URGCP: variants seen among roughly 807,000 people sequenced by gnomAD.
URGCP encodes upregulator of cell proliferation, also known as up-regulator of cell proliferation.
Under a neutral mutation model 24.6 loss-of-function variants are expected in URGCP, and 13 were observed. That is an observed-to-expected ratio of 0.53 (90% CI 0.34 to 0.84). The LOEUF is 0.84. URGCP is among the 40% of genes least tolerant of loss of function. The pLI, the probability that URGCP is intolerant of heterozygous loss-of-function variation, is 0.01. For missense variants in URGCP, 899 were observed against 1,194.3 expected, an observed-to-expected ratio of 0.75 and a Z score of 3.64; for synonymous variants, 444 against 487.2, an observed-to-expected ratio of 0.91 and a Z score of 1.17.
At position 43,877,022 on chromosome 7, in the gene URGCP, T is replaced by C. The variant is rs1170641357; in HGVS notation, c.2441A>G (p.Asn814Ser). 6.2e-7 allele frequency: 1 copy of C among 1,614,280 alleles called. No individual in the cohort carries two copies. The highest frequency in any genetic ancestry group is 8.5e-7 in the Non-Finnish European group (1 of 1,180,056). Residue 814 changes from asparagine to serine, a missense_variant, in exon 6 of 6, where the codon AAC becomes AGC. Coordinates refer to ENST00000453200, the MANE Select transcript of URGCP (RefSeq NM_001077663.3). ...LRLEKTGHMPNYQFVYQNLHD... is the reference protein window; with the variant it reads ...LRLEKTGHMPSYQFVYQNLHD... ...AAGGTTCTGGTATACAAACTGGTAGTTGGGCATGTGCCCCGTTTTTTCTAA... is the reference window on the plus strand; with the variant it reads ...AAGGTTCTGGTATACAAACTGGTAGCTGGGCATGTGCCCCGTTTTTTCTAA...
intron 3 of URGCP, among the ~76,000 whole-genome samples, chr7:43,885,990 C>T (rs2095861508): frequency 6.6e-6 from 1 of 152,218 alleles, no homozygotes; most frequent in South Asian, 2.1e-4. Context: ...CTGCTACAAG[C>T]CTTGACCAAC....
chr7:43,915,749 C>G (rs12673010), intron 1 of URGCP, among the ~76,000 whole-genome samples: 58,887 of 152,174 alleles, frequency 0.39, 11,679 homozygotes, highest in South Asian at 0.58. Context: ...TGGCTCATGC[C>G]TGTAATCCCA....
chr7:43,906,411 C>CGTGGGCCTG (rs1195731634), intron 1 of URGCP, 151 bp downstream of exon 1: 241 of 890,270 alleles, frequency 2.7e-4, no homozygotes, highest in Non-Finnish European at 3.2e-4. Context: ...GCGAGCGGGC[C>CGTGGGCCTG]GTGGGCCTGG....
At chr7:43,888,231 G>C (rs2095864938) in intron 1 of URGCP, 1 of 154,710 alleles carries the variant, frequency 6.5e-6, no homozygotes, top group Non-Finnish European at 1.4e-5. Context: ...GCCTGGTGTG[G>C]TGGCTCACGC....
Position 43,898,256 on chromosome 7 carries a change from C to G in URGCP, c.14+8306G>C, listed in dbSNP as rs556369901. The stretch of plus-strand genomic sequence containing the variant: ...AAAACCCAAGAGATCAACCTGAAAA[C>G]TATCATAAACAATGAGAGAATTCAG... On this transcript the variant is annotated intron_variant, in intron 1 of 5. Transcript: ENST00000453200. Among the ~76,000 whole-genome samples, 19 of 152,294 alleles carry G rather than the reference C, an allele frequency of 1.2e-4. No individual in the cohort carries two copies. The South Asian group carries it at 1.9e-3, about 15-fold the overall frequency.
intron 1 of URGCP, among the ~76,000 whole-genome samples, chr7:43,918,276 A>G: frequency 6.6e-6 from 1 of 151,644 alleles, no homozygotes; most frequent in East Asian, 1.9e-4. Context: ...AAAAAAAAAA[A>G]AAAAAGAAAG....
Position 43,877,773 on chromosome 7 carries a change from G to T in URGCP, c.1690C>A (p.Gln564Lys). 1 of 1,602,816 alleles carries T rather than the reference G, an allele frequency of 6.2e-7. No individual in the cohort carries two copies. The highest frequency in any genetic ancestry group is 1.7e-5 in the Admixed American group (1 of 59,036). ...CACTCCATCCACCTCAGGAAGTACTGCTTCTCACTCAAGGAGGGGCTGCTG... is the reference window on the plus strand; with the variant it reads ...CACTCCATCCACCTCAGGAAGTACTTCTTCTCACTCAAGGAGGGGCTGCTG... ...GISSPSLSEKQYFLRWMEWGL... is the reference protein window; with the variant it reads ...GISSPSLSEKKYFLRWMEWGL... The change falls in exon 6 of 6, where the codon CAG (glutamine) becomes AAG (lysine). Residue 564 changes from glutamine (Q) to lysine (K), a missense_variant. Gln to Lys is a moderately conservative substitution (Grantham distance 53). Transcript: ENST00000453200.
chr7:43,886,763 A>G (rs1459654586), intron 3 of URGCP, among the ~76,000 whole-genome samples: 1 of 152,234 alleles, frequency 6.6e-6, no homozygotes, highest in African/African-American at 2.4e-5. Flanking sequence ...CAAAAAATAA[A>G]ATAAAATATC....
Position 43,877,394 on chromosome 7 carries a change from G to C in URGCP, c.2069C>G (p.Ser690Ter). ...KELHVRLERR[S>*]RLVVLSTVGV... Reference sequence around the variant, plus strand: ...GACGGTTGACAGAACCACCAGCCTTGACCGTCTCTCCAGTCGGACGTGCAG... The same window carrying C: ...GACGGTTGACAGAACCACCAGCCTTCACCGTCTCTCCAGTCGGACGTGCAG... Residue 690 changes from serine to a stop codon, truncating the protein, a stop_gained, in exon 6 of 6, where the codon TCA (serine) becomes TGA (stop). Transcript: ENST00000453200. LOFTEE classifies it high-confidence loss of function. 6.2e-7 allele frequency: 1 copy of C among 1,613,202 alleles called. No individual in the cohort carries two copies. Among genetic ancestry groups the C allele is most frequent in the Non-Finnish European group, 8.5e-7 (1 of 1,180,012 alleles).
chr7:43,911,535 A>C (rs2095910131), upstream of URGCP, among the ~76,000 whole-genome samples: 1 of 152,158 alleles, frequency 6.6e-6, no homozygotes, highest in African/African-American at 2.4e-5. Context: ...GTCTCTACTA[A>C]AAATACAAAA....
chr7:43,920,598 TTA>T (rs2095921208), intron 1 of URGCP, among the ~76,000 whole-genome samples: 1 of 152,162 alleles, frequency 6.6e-6, no homozygotes. Context: ...TTTAAAACCT[TTA>T]TGTTTTTCTC....
chr7:43,918,801 A>G, intron 1 of URGCP: 1 of 1,082,068 alleles, frequency 9.2e-7, no homozygotes, highest in African/African-American at 1.5e-5. Context: ...CCCCAAGGGC[A>G]CCATGGAGGA....
At chr7:43,900,109 C>A (rs1229764302) in intron 1 of URGCP, among the ~76,000 whole-genome samples, 2 of 151,644 alleles carry the variant, frequency 1.3e-5, no homozygotes, top group African/African-American at 4.9e-5. Flanking sequence ...GTTGCCATTG[C>A]ACTCCAGCCT....
At chr7:43,879,545 A>T in intron 5 of URGCP, 1 of 352,220 alleles carries the variant, frequency 2.8e-6, no homozygotes. Flanking sequence ...AACAACTGGA[A>T]GAGTTCTTGC....
upstream of URGCP, among the ~76,000 whole-genome samples, chr7:43,907,947 G>A (rs1167788175): frequency 2.0e-5 from 3 of 152,134 alleles, no homozygotes; most frequent in Non-Finnish European, 4.4e-5. Flanking sequence ...GTAAAGCCAC[G>A]CGAACTTGTG....
intron 3 of URGCP, among the ~76,000 whole-genome samples, chr7:43,883,623 A>G (rs1228286750): frequency 6.6e-6 from 1 of 151,920 alleles, no homozygotes; most frequent in Non-Finnish European, 1.5e-5. Context: ...GGCCTCACAG[A>G]GCGTTGGGAT....
chr7:43,884,023 A>G (rs2095858570), intron 3 of URGCP, among the ~76,000 whole-genome samples: 1 of 152,244 alleles, frequency 6.6e-6, no homozygotes, highest in Non-Finnish European at 1.5e-5. Context: ...TAAAGATGCC[A>G]GAGATAGGGT....
intron 1 of URGCP, among the ~76,000 whole-genome samples, chr7:43,901,889 A>T (rs1354478141): frequency 6.6e-6 from 1 of 152,180 alleles, no homozygotes; most frequent in East Asian, 1.9e-4. Flanking sequence ...AATGGATGTT[A>T]ATGGGGGTGC....
chr7:43,922,248 G>C (rs2095923294), intron 1 of URGCP, among the ~76,000 whole-genome samples: 1 of 152,164 alleles, frequency 6.6e-6, no homozygotes, highest in African/African-American at 2.4e-5. Flanking sequence ...TTTTAGTAGA[G>C]ACAGGGTTTC....
Sources: allele counts gnomAD v4.1 joint callset (sites outside exome capture counted in the v4.1 genomes callset), GRCh38; gene constraint gnomAD v4.1.1; transcripts MANE v1.5; gene names NCBI Gene and HGNC (gene_info 2026-07-23, HGNC 2026-07-21).